Variants in GDF6 observed in about 807,000 individuals in gnomAD.
GDF6 encodes the protein growth differentiation factor 6.
GDF6 carries 3 observed loss-of-function variants against 32.4 expected under a neutral mutation model. The observed-to-expected ratio is 0.09, with a 90% CI of 0.04 to 0.24. The LOEUF (loss-of-function observed/expected upper bound fraction) is 0.24, where lower values mean the gene tolerates loss of function less well. Ranked by LOEUF, GDF6 falls within the 10% of genes least tolerant of loss-of-function variation. The pLI is 1.00. For synonymous variants in GDF6, 296 were observed against 295.3 expected (o/e 1.00, Z -0.03); for missense variants, 589 against 637.9 (o/e 0.92, Z 0.83).
chr8:96,157,166 G>T (rs755351099), intron 1 of GDF6, among the ~76,000 whole-genome samples: 4 of 152,110 alleles, frequency 2.6e-5, no homozygotes, highest in Non-Finnish European at 4.4e-5. Context: ...ATTACTCCTA[G>T]GTGTCTGGAG....
At chr8:96,153,318 C>T (rs1053999405) in intron 1 of GDF6, among the ~76,000 whole-genome samples, 5 of 152,240 alleles carry the variant, frequency 3.3e-5, no homozygotes, top group Admixed American at 6.5e-5. Context: ...AAGGGCACTT[C>T]ACTGTGCTTC....
chr8:96,153,205 G>A (rs1354460350), intron 1 of GDF6, among the ~76,000 whole-genome samples: 1 of 152,244 alleles, frequency 6.6e-6, no homozygotes, highest in South Asian at 2.1e-4. Flanking sequence ...TTTGTCTCTA[G>A]AGGATGAAAC....
intron 1 of GDF6, among the ~76,000 whole-genome samples, chr8:96,154,967 G>A (rs1812634973): frequency 2.0e-5 from 3 of 152,198 alleles, no homozygotes; most frequent in African/African-American, 7.2e-5. Context: ...CAGGTGACAC[G>A]CATCCTCTCC....
At chr8:96,150,130 C>T (rs1021962217) in intron 1 of GDF6, among the ~76,000 whole-genome samples, 3 of 152,238 alleles carry the variant, frequency 2.0e-5, no homozygotes, top group African/African-American at 4.8e-5. Flanking sequence ...TTTTGTCACT[C>T]GCCTGGCTGT....
chr8:96,146,090 T>C (rs966152538), intron 1 of GDF6, among the ~76,000 whole-genome samples: 1 of 152,200 alleles, frequency 6.6e-6, no homozygotes, highest in Non-Finnish European at 1.5e-5. Flanking sequence ...ACACTCTGTC[T>C]GCCTCCACCA....
At chr8:96,151,537 T>C (rs567613735) in intron 1 of GDF6, among the ~76,000 whole-genome samples, 1 of 152,296 alleles carries the variant, frequency 6.6e-6, no homozygotes, top group South Asian at 2.1e-4. Flanking sequence ...AACTCTTCCA[T>C]GCTGCCCATG....
intron 1 of GDF6, among the ~76,000 whole-genome samples, chr8:96,150,977 A>G (rs1334758190): frequency 1.3e-5 from 2 of 152,234 alleles, no homozygotes; most frequent in African/African-American, 2.4e-5. Context: ...TTGGAAATAG[A>G]GCCAGGTGTA....
In GDF6 at chr8:96,150,935, C is replaced by T. The variant is rs1057028094; in HGVS notation, c.407-5411G>A. On this transcript the variant is annotated intron_variant, in intron 1 of 1. Coordinates refer to ENST00000287020, the MANE Select transcript of GDF6 (RefSeq NM_001001557.4). ...TTTCTCAACTAAGTCTCTCACCTTC[C>T]GCGCTGCACTGAGGGGGCAAAGTCC... Among the ~76,000 whole-genome samples the T allele has an allele frequency of 3.3e-5, 5 of 152,230 alleles. No homozygotes were observed. In the East Asian group the frequency reaches 5.8e-4, roughly 18 times the overall value.
rs1812445811 is a variant in GDF6 at position 96,144,952 on chromosome 8, G to A, written c.979C>T (p.Pro327Ser). The change falls in exon 2 of 2, where the codon CCC (proline) becomes TCC (serine). Residue 327 changes from proline to serine, a missense_variant. Coordinates refer to ENST00000287020, the MANE Select transcript of GDF6 (RefSeq NM_001001557.4). This position sits in a 1 kb window ranked among gnomAD's most constrained non-coding sequence, Gnocchi z 5.1. ...CGCCGCCGCCGGCGGCCGGGCGAGG[G>A]CAGCCAAGGCCTGGCATCCGGGGCG... Reference protein sequence around the residue: ...SGAPDARPWLPSPGRRRRRTA... With the variant: ...SGAPDARPWLSSPGRRRRRTA... 1 of 1,549,478 alleles carries A rather than the reference G, an allele frequency of 6.5e-7. No individual in the cohort carries two copies. The highest frequency in any genetic ancestry group is 8.7e-7 in the Non-Finnish European group (1 of 1,148,626).
chr8:96,149,369 C>T (rs189837802), intron 1 of GDF6, among the ~76,000 whole-genome samples: 105 of 152,292 alleles, frequency 6.9e-4, no homozygotes, highest in Admixed American at 1.8e-3. Flanking sequence ...GTTTGCTGAA[C>T]ATTAGACATA....
In GDF6 at chr8:96,144,278, GAGAGAGAGAGAGA is replaced by G. The variant is rs1208056693; in HGVS notation, c.*272_*284del. 64 of 477,702 alleles carry G rather than the reference GAGAGAGAGAGAGA, an allele frequency of 1.3e-4. No homozygotes were observed. In the African/African-American group the frequency reaches 1.3e-3, roughly 10 times the overall value. The allele number at this position is 477,702 out of a possible 1,614,324, so 29.6% of individuals were successfully genotyped here. A position where few individuals can be genotyped will look rare whatever the true frequency, so the allele number is the denominator to read the frequency against. On this transcript the variant is annotated 3_prime_UTR_variant, in exon 2 of 2. Coordinates refer to ENST00000287020, the MANE Select transcript of GDF6 (RefSeq NM_001001557.4). This position sits in a 1 kb window ranked among gnomAD's most constrained non-coding sequence, Gnocchi z 5.1. Reference sequence around the variant, plus strand: ...AGAGAGAGAGAGAGAGAGAGAGAGAGAGAGAGAGAGAGAAAACAGAACAAAAGAAATCCTCCTT... The same window carrying G: ...AGAGAGAGAGAGAGAGAGAGAGAGAGAAACAGAACAAAAGAAATCCTCCTT...
At position 96,143,132 on chromosome 8, in the gene GDF6, CCT is replaced by C. The variant is rs139734303; in HGVS notation, c.*1429_*1430del. On this transcript the variant is annotated 3_prime_UTR_variant, in exon 2 of 2. Coordinates refer to ENST00000287020, the MANE Select transcript of GDF6 (RefSeq NM_001001557.4). ...TTCCTCCCAGAAGACGAATTCCACC[CCT>C]GTCTCCTTCCTCACTGCCTGTTCCC... 5,561 of 152,344 alleles carry C rather than the reference CCT, an allele frequency of 0.037. 121 individuals are homozygous for C. The highest frequency in any genetic ancestry group is 0.06 in the African/African-American group (2,492 of 41,536). 9.4% of individuals were successfully genotyped at this position (152,344 alleles called of 1,614,324 possible).
intron 1 of GDF6, among the ~76,000 whole-genome samples, chr8:96,157,945 ACGCACCCCCTCCTCTG>A (rs910312003): frequency 1.3e-5 from 2 of 152,150 alleles, no homozygotes; most frequent in African/African-American, 4.8e-5. Context: ...GCAGCCAGCA[ACGCACCCCCTCCTCTG>A]CGCACCCCTC....
intron 1 of GDF6, among the ~76,000 whole-genome samples, chr8:96,158,647 C>G (rs1376832462): frequency 6.6e-6 from 1 of 152,260 alleles, no homozygotes; most frequent in Middle Eastern, 3.4e-3. Flanking sequence ...GCTTCCTTAG[C>G]CTCCTTCCGC....
At position 96,160,611 on chromosome 8, in the gene GDF6, T is replaced by G. The variant is rs760516509; in HGVS notation, c.82A>C (p.Ile28Leu). 6.2e-7 allele frequency: 1 copy of G among 1,613,548 alleles called. No homozygotes were observed. The highest frequency in any genetic ancestry group is 1.3e-5 in the African/African-American group (1 of 74,906). ...TCGGCGGACGACGAGGAGGATGAGA[T>G]GGAAGCCTGCTGGAAACCGGGCAAA... ...WDLPGFQQASISSSSSSAELG... is the reference protein window; with the variant it reads ...WDLPGFQQASLSSSSSSAELG... Residue 28 changes from isoleucine (I) to leucine (L), a missense_variant, in exon 1 of 2, where the codon ATC becomes CTC. Physicochemically the swap from Ile to Leu is conservative, Grantham distance 5. This residue lies in a region of GDF6 where 436 missense variants were observed against 411.2 expected (regional missense o/e 1.06). Coordinates refer to ENST00000287020, the MANE Select transcript of GDF6 (RefSeq NM_001001557.4).
chr8:96,157,158 T>C (rs1812678347), intron 1 of GDF6, among the ~76,000 whole-genome samples: 1 of 152,228 alleles, frequency 6.6e-6, no homozygotes, highest in African/African-American at 2.4e-5. Context: ...TTACTATTAT[T>C]ACTCCTAGGT....
At chr8:96,153,878 C>A (rs57599262) in intron 1 of GDF6, among the ~76,000 whole-genome samples, 4,390 of 152,078 alleles carry the variant, frequency 0.029, 212 homozygotes, top group African/African-American at 0.098. Context: ...AAGGGAGAGC[C>A]GCAATCTCTG....
At chr8:96,148,755 C>T (rs907330946) in intron 1 of GDF6, among the ~76,000 whole-genome samples, 1 of 152,188 alleles carries the variant, frequency 6.6e-6, no homozygotes, top group Non-Finnish European at 1.5e-5. Flanking sequence ...GTCAATTCTA[C>T]CTCTCCCAGC....
chr8:96,160,426 ACC>A lies in GDF6; in HGVS notation c.265_266del (p.Gly89SerfsTer20). 1 of 1,613,916 alleles carries A rather than the reference ACC, an allele frequency of 6.2e-7. No individual in the cohort carries two copies. The highest frequency in any genetic ancestry group is 1.1e-5 in the South Asian group (1 of 91,080). On this transcript the variant is annotated frameshift_variant, in exon 1 of 2. Coordinates refer to ENST00000287020, the MANE Select transcript of GDF6 (RefSeq NM_001001557.4). LOFTEE classifies it high-confidence loss of function. ...QPRAQEPPGR[G>X]PRVVPHEYML... ...TGTACTCGTGGGGCACCACGCGCGG[ACC>A]CCTGCCTGGCGGCTCCTGCGCCCGG... is the stretch of plus-strand genomic sequence containing the variant.
Sources: gnomAD v4.1 joint callset for allele counts (sites outside exome capture counted in the v4.1 genomes callset) on GRCh38, gnomAD v4.1.1 for gene constraint, gnomAD v4.1.1 regional missense constraint, Gnocchi (gnomAD v3.1) non-coding constraint, MANE v1.5 for transcripts, NCBI Gene and HGNC (gene_info 2026-07-23, HGNC 2026-07-21) for gene names.